The following ERBIN variants were observed in gnomAD, a reference collection of about 807,000 sequenced individuals.
ERBIN encodes densin-180-like protein.
In ERBIN, 60 loss-of-function variants were observed where a neutral mutation model predicts 158.4. The ratio of observed to expected loss-of-function variants is 0.38; its 90% CI spans 0.31 to 0.47. The LOEUF (loss-of-function observed/expected upper bound fraction) is 0.47, where lower values mean the gene tolerates loss of function less well. ERBIN is among the 20% of genes least tolerant of loss of function. The pLI, the probability that ERBIN is intolerant of heterozygous loss-of-function variation, is 0.99. For missense variants in ERBIN, 1,610 were observed against 1,648.0 expected (o/e 0.98, Z 0.40); for synonymous variants, 594 against 557.2 (o/e 1.07, Z -0.93).
At chr5:66,062,658 C>T (rs1229423624) in intron 21 of ERBIN, among the ~76,000 whole-genome samples, 19 of 152,098 alleles carry the variant, frequency 1.2e-4, no homozygotes, top group Admixed American at 3.9e-4. Context: ...GTTTTTTCCC[C>T]ATCTTTGTGG....
chr5:65,969,986 CTT>C (rs757484723), intron 1 of ERBIN, among the ~76,000 whole-genome samples: 123 of 152,194 alleles, frequency 8.1e-4, no homozygotes, highest in Non-Finnish European at 1.5e-3. Flanking sequence ...AGATGTTTCT[CTT>C]TTTAAAGACC....
rs1411011768 is a variant in ERBIN at position 65,996,998 on chromosome 5, A to G, written c.307+2134A>G. Among the ~76,000 whole-genome samples the G allele has an allele frequency of 4.6e-5, 7 of 151,746 alleles. No homozygotes were observed. In the East Asian group the frequency reaches 1.2e-3, roughly 25 times the overall value. Reference sequence around the variant, plus strand: ...TTTTTGTATCCTGCAATTTTACTGAATTTATTCTAACAGTATTTTGGTTGG... The same window carrying G: ...TTTTTGTATCCTGCAATTTTACTGAGTTTATTCTAACAGTATTTTGGTTGG... On this transcript the variant is annotated intron_variant, in intron 4 of 25. Transcript: ENST00000284037.
rs758322797 is a variant in ERBIN at position 66,054,815 on chromosome 5, G to T, written c.3497G>T (p.Arg1166Leu). The T allele has an allele frequency of 6.2e-7, 1 of 1,613,896 alleles. No homozygotes were observed. Among genetic ancestry groups the T allele is most frequent in the East Asian group, 2.2e-5 (1 of 44,894 alleles). Reference sequence around the variant, plus strand: ...TCAGTTAGTGATTTCAATTATTCACGGACTAGTCCTTCAAAAAGACCAAAT... The same window carrying T: ...TCAGTTAGTGATTTCAATTATTCACTGACTAGTCCTTCAAAAAGACCAAAT... Reference protein sequence around the residue: ...TMSVSDFNYSRTSPSKRPNAR... With the variant: ...TMSVSDFNYSLTSPSKRPNAR... The change falls in exon 21 of 26, where the codon CGG (arginine) becomes CTG (leucine). Residue 1166 changes from arginine (R) to leucine (L), a missense_variant. Coordinates refer to ENST00000284037, the MANE Select transcript of ERBIN (RefSeq NM_001253697.2).
chr5:66,030,800 G>C (rs752719005), intron 14 of ERBIN, among the ~76,000 whole-genome samples: 28 of 151,774 alleles, frequency 1.8e-4, no homozygotes, highest in Admixed American at 1.2e-3. Context: ...TGAACTCCTG[G>C]ACTCAAGCCA....
intron 1 of ERBIN, among the ~76,000 whole-genome samples, chr5:65,977,087 G>A (rs1192374738): frequency 1.3e-5 from 2 of 151,676 alleles, no homozygotes; most frequent in Non-Finnish European, 2.9e-5. Context: ...TTCCCAGTAG[G>A]GGCGGCCGGG....
At chr5:66,018,452 T>TC in intron 7 of ERBIN, among the ~76,000 whole-genome samples, 1 of 30,396 alleles carries the variant, frequency 3.3e-5, no homozygotes, top group South Asian at 1.3e-3. Flanking sequence ...ATATAATATA[T>TC]ATTATATTAT....
chr5:66,020,233 G>A (rs890013582), intron 7 of ERBIN, among the ~76,000 whole-genome samples: 4 of 152,004 alleles, frequency 2.6e-5, no homozygotes, highest in Non-Finnish European at 5.9e-5. Context: ...GTAGACCAAT[G>A]ACAGTTTCAT....
At chr5:66,002,185 T>C (rs916211774) in intron 4 of ERBIN, among the ~76,000 whole-genome samples, 2 of 152,254 alleles carry the variant, frequency 1.3e-5, no homozygotes, top group African/African-American at 4.8e-5. Context: ...TGGTGTATTA[T>C]GTGCCACATT....
intron 1 of ERBIN, among the ~76,000 whole-genome samples, chr5:65,951,193 C>T (rs1746463628): frequency 6.6e-6 from 1 of 152,148 alleles, no homozygotes; most frequent in Non-Finnish European, 1.5e-5. Context: ...ATTCTAAAGA[C>T]TGCTGGCCTC....
intron 7 of ERBIN, among the ~76,000 whole-genome samples, chr5:66,015,334 G>A (rs1306989572): frequency 6.6e-6 from 1 of 152,148 alleles, no homozygotes; most frequent in Non-Finnish European, 1.5e-5. Flanking sequence ...TACATTTTAA[G>A]GGTTGGCAAA....
intron 1 of ERBIN, among the ~76,000 whole-genome samples, chr5:65,965,398 T>G (rs1443981890): frequency 1.2e-3 from 9 of 7,546 alleles, no homozygotes; most frequent in South Asian, 0.013. Flanking sequence ...TTTTTTTTTT[T>G]TTTTTTTTTT....
At position 66,039,697 on chromosome 5, in the gene ERBIN, T is replaced by C. The variant is rs545689005; in HGVS notation, c.1306+1215T>C. Among the ~76,000 whole-genome samples the C allele has an allele frequency of 3.3e-5, 5 of 152,098 alleles. No individual in the cohort carries two copies. The South Asian group carries it at 1.0e-3, about 32-fold the overall frequency. ...ACAGCTTAATATTAAGTATACTATA[T>C]TTTGTTATGGAAACATACTTCCATA... On this transcript the variant is annotated intron_variant, in intron 15 of 25. Coordinates refer to ENST00000284037, the MANE Select transcript of ERBIN (RefSeq NM_001253697.2).
intron 7 of ERBIN, among the ~76,000 whole-genome samples, chr5:66,018,585 ATT>A (rs1491469234): frequency 1.7e-5 from 1 of 57,932 alleles, no homozygotes; most frequent in East Asian, 3.8e-4. Flanking sequence ...TATAATATAT[ATT>A]ATATAATATA....
intron 14 of ERBIN, among the ~76,000 whole-genome samples, chr5:66,036,599 A>G (rs1467316683): frequency 1.3e-5 from 2 of 152,158 alleles, no homozygotes; most frequent in Admixed American, 6.5e-5. Context: ...TTCACTTGGA[A>G]TTACAGTAGC....
chr5:65,954,625 A>G (rs1383305119), intron 1 of ERBIN, among the ~76,000 whole-genome samples: 2 of 152,208 alleles, frequency 1.3e-5, no homozygotes, highest in African/African-American at 2.4e-5. Flanking sequence ...TTATGAATAT[A>G]TAGCACTTAT....
rs754881985 is a variant in ERBIN at position 66,078,485 on chromosome 5, C to G, written c.4194C>G (p.Phe1398Leu). 2.5e-6 allele frequency: 4 copies of G among 1,600,764 alleles called. No homozygotes were observed. The highest frequency in any genetic ancestry group is 1.8e-5 in the Admixed American group (1 of 56,476). ...AAGCAGTGTCCTTGCTAAAAACTTT[C>G]CAGAATACAGTTGAACTCATCATTG... The part of the protein sequence containing the change: ...HGQAVSLLKT[F>L]QNTVELIIVR... The change falls in exon 26 of 26, where the codon TTC becomes TTG. Residue 1398 changes from phenylalanine to leucine, a missense_variant. Physicochemically the swap from Phe to Leu is conservative, Grantham distance 22 (BLOSUM62 0). Coordinates refer to ENST00000284037, the MANE Select transcript of ERBIN (RefSeq NM_001253697.2).
intron 1 of ERBIN, among the ~76,000 whole-genome samples, chr5:65,931,509 CTT>C (rs766715698): frequency 2.6e-5 from 4 of 152,104 alleles, no homozygotes; most frequent in Non-Finnish European, 4.4e-5. Context: ...TGTTCTCAGA[CTT>C]TTTGGTTTGA....
At chr5:66,076,638 C>T (rs187547516) in intron 24 of ERBIN, 33 of 595,572 alleles carry the variant, frequency 5.5e-5, no homozygotes, top group Non-Finnish European at 8.5e-5. Context: ...TTTTAACTTT[C>T]TTATTGCTTT....
intron 22 of ERBIN, among the ~76,000 whole-genome samples, chr5:66,072,537 T>A (rs1042674271): frequency 4.6e-5 from 7 of 152,244 alleles, no homozygotes; most frequent in Non-Finnish European, 7.3e-5. Context: ...ATTTCTGTTA[T>A]ATAGTACCAC....
Sources: gnomAD v4.1 joint callset for allele counts (sites outside exome capture counted in the v4.1 genomes callset) on GRCh38, gnomAD v4.1.1 for gene constraint, MANE v1.5 for transcripts, NCBI Gene and HGNC (gene_info 2026-07-23, HGNC 2026-07-21) for gene names.